UBR1: variants seen among roughly 807,000 people sequenced by gnomAD.
The protein encoded by UBR1 is ubiquitin protein ligase E3 component n-recognin 1, also known as E3 ubiquitin-protein ligase UBR1.
A neutral mutation model predicts 242.1 loss-of-function variants in UBR1; 102 were observed. The observed-to-expected ratio is 0.42, with a 90% CI of 0.36 to 0.50. The LOEUF (loss-of-function observed/expected upper bound fraction) is 0.50. UBR1 is among the 20% of genes least tolerant of loss of function. UBR1 has a pLI of 0.01. For missense variants in UBR1, 1,772 were observed against 2,101.8 expected, an observed-to-expected ratio of 0.84 and a Z score of 3.07; for synonymous variants, 675 against 684.8, an observed-to-expected ratio of 0.99 and a Z score of 0.22.
At chr15:42,973,934 T>A (rs2032247264) in intron 39 of UBR1, among the ~76,000 whole-genome samples, 1 of 146,598 alleles carries the variant, frequency 6.8e-6, no homozygotes, top group South Asian at 2.3e-4. Context: ...TCTCTCCCAG[T>A]CTGTAGTGCA....
At chr15:43,022,518 T>C (rs1596105898) in intron 26 of UBR1, among the ~76,000 whole-genome samples, 184 bp downstream of exon 26, 2 of 151,716 alleles carry the variant, frequency 1.3e-5, no homozygotes, top group Admixed American at 6.6e-5. Flanking sequence ...TATATTAGTA[T>C]ACTTGAAAAT....
At chr15:43,005,106 C>T (rs1035682352) in intron 30 of UBR1, among the ~76,000 whole-genome samples, 6 of 151,956 alleles carry the variant, frequency 3.9e-5, no homozygotes, top group Admixed American at 1.3e-4. Context: ...TCTGCCCAGC[C>T]GCCCCGTCTG....
intron 20 of UBR1, among the ~76,000 whole-genome samples, chr15:43,030,744 T>C (rs2033245147): frequency 6.6e-6 from 1 of 152,162 alleles, no homozygotes; most frequent in South Asian, 2.1e-4. Context: ...AGGCTTACAA[T>C]ATGTGGCCTT....
intron 20 of UBR1, among the ~76,000 whole-genome samples, chr15:43,030,341 T>TACATAC (rs1165150039): frequency 1.3e-5 from 2 of 152,198 alleles, no homozygotes; most frequent in African/African-American, 4.8e-5. Flanking sequence ...CATATTCGTA[T>TACATAC]ACATACACAT....
intron 4 of UBR1, 55 bp from the exon 5 acceptor site, chr15:43,070,980 T>C: frequency 6.3e-6 from 10 of 1,593,754 alleles, no homozygotes; most frequent in South Asian, 1.1e-5. Context: ...AATAAATGGA[T>C]AAGGAAGGTA....
At chr15:43,083,537 C>T (rs758717057) in intron 2 of UBR1, among the ~76,000 whole-genome samples, 4 of 151,804 alleles carry the variant, frequency 2.6e-5, no homozygotes, top group African/African-American at 4.8e-5. Flanking sequence ...TGCGCCACCA[C>T]GCCCAGCTAA....
chr15:43,072,397 T>C (rs1286011454), intron 4 of UBR1, among the ~76,000 whole-genome samples: 2 of 152,228 alleles, frequency 1.3e-5, no homozygotes, highest in Admixed American at 1.3e-4. Context: ...GTGTATTTTA[T>C]GGCCGAAGAT....
intron 4 of UBR1, among the ~76,000 whole-genome samples, chr15:43,074,102 A>G (rs954696004): frequency 3.9e-5 from 6 of 152,238 alleles, no homozygotes; most frequent in African/African-American, 1.4e-4. Flanking sequence ...TCTAATAAAA[A>G]TATTGCACTC....
chr15:42,967,990 T>C (rs2032139350), intron 40 of UBR1, among the ~76,000 whole-genome samples: 1 of 151,522 alleles, frequency 6.6e-6, no homozygotes, highest in Admixed American at 6.6e-5. Context: ...TATATGTACA[T>C]ATTGTATGTT....
chr15:43,048,368 T>C lies in UBR1; in HGVS notation c.1539+24A>G, dbSNP rs1266087381. On this transcript the variant is annotated intron_variant, in intron 13 of 46. Coordinates refer to ENST00000290650, the MANE Select transcript of UBR1 (RefSeq NM_174916.3). ...ATTTTTAAAAATAAATTTCTTTTAC[T>C]GATGTACAGAAAAATGATCATACCT... The C allele has an allele frequency of 2.5e-6, 4 of 1,570,816 alleles. No homozygotes were observed. The African/African-American group carries it at 4.1e-5, about 16-fold the overall frequency.
chr15:43,013,109 T>A lies in UBR1; in HGVS notation c.3209+2579A>T, dbSNP rs537386047. On this transcript the variant is annotated intron_variant, in intron 29 of 46. Transcript: ENST00000290650. The stretch of plus-strand genomic sequence containing the variant: ...TTAGTAGAGACGGGGTTTTGCCTGT[T>A]GGCCAGGCTGGTCTCGAACTCCTGA... Among the ~76,000 whole-genome samples, 28 of 152,314 alleles carry A rather than the reference T, an allele frequency of 1.8e-4. 1 individual carries two copies. The South Asian group carries it at 3.3e-3, about 18-fold the overall frequency.
chr15:43,059,858 C>T (rs2033662059), intron 7 of UBR1, 33 bp from the exon 8 acceptor site: 1 of 1,612,828 alleles, frequency 6.2e-7, no homozygotes, highest in South Asian at 1.1e-5. Context: ...AAAAAAATAG[C>T]ATTTAAAATT....
chr15:42,970,036 G>C (rs1417137442), intron 40 of UBR1, among the ~76,000 whole-genome samples: 4 of 152,126 alleles, frequency 2.6e-5, no homozygotes, highest in South Asian at 2.1e-4. Context: ...GTATAGCCAA[G>C]ACAATCCTAA....
intron 6 of UBR1, among the ~76,000 whole-genome samples, chr15:43,062,931 C>A (rs141255542): frequency 7.2e-5 from 11 of 151,970 alleles, no homozygotes; most frequent in African/African-American, 2.7e-4. Context: ...CAAGTGATTT[C>A]TAATAGGTTA....
At chr15:43,031,088 A>G (rs2033251403) in intron 20 of UBR1, among the ~76,000 whole-genome samples, 1 of 152,182 alleles carries the variant, frequency 6.6e-6, no homozygotes, top group African/African-American at 2.4e-5. Context: ...GAAAGTTGGT[A>G]GCAAGGCCAA....
intron 1 of UBR1, 58 bp downstream of exon 1, chr15:43,105,884 A>G: frequency 6.7e-7 from 1 of 1,490,458 alleles, no homozygotes; most frequent in South Asian, 1.1e-5. Context: ...ACATCCTCCT[A>G]AGCGCAGTAG....
At chr15:43,019,436 A>T (rs1169307938) in intron 27 of UBR1, among the ~76,000 whole-genome samples, 1 of 152,196 alleles carries the variant, frequency 6.6e-6, no homozygotes, top group Non-Finnish European at 1.5e-5. Flanking sequence ...TTAAAAGTAT[A>T]AATCAGTACC....
chr15:43,055,264 G>A (rs1260496385), intron 11 of UBR1, among the ~76,000 whole-genome samples: 1 of 152,116 alleles, frequency 6.6e-6, no homozygotes, highest in Admixed American at 6.5e-5. Context: ...GGTCAACATG[G>A]CAAAACCCCA....
chr15:43,023,590 C>A (rs1439017111), intron 25 of UBR1, among the ~76,000 whole-genome samples: 1 of 77,776 alleles, frequency 1.3e-5, no homozygotes, highest in African/African-American at 5.0e-5. Context: ...ACAAGTGAAA[C>A]TCCATCTCAA....
Sources: allele counts gnomAD v4.1 joint callset (sites outside exome capture counted in the v4.1 genomes callset), GRCh38; gene constraint gnomAD v4.1.1; transcripts MANE v1.5; gene names NCBI Gene and HGNC (gene_info 2026-07-23, HGNC 2026-07-21).